XNDC1N: variants seen among roughly 807,000 people sequenced by gnomAD.
XNDC1N encodes the protein XRCC1 N-terminal domain containing 1, N-terminal like, also known as protein XNDC1N.
At chr11:71,898,841 C>T in the XNDC1N span, among the ~76,000 whole-genome samples, 1 of 152,020 alleles carries the variant, frequency 6.6e-6, no homozygotes, top group Admixed American at 6.6e-5. Context: ...AAACTGTAAA[C>T]TGAAAAAGCA....
the XNDC1N span, among the ~76,000 whole-genome samples, chr11:71,887,625 C>A: frequency 6.6e-6 from 1 of 152,286 alleles, no homozygotes; most frequent in Non-Finnish European, 1.5e-5. Context: ...CCCAGAGAAG[C>A]CCTTCAAGGT....
chr11:71,902,120 T>C, the XNDC1N span, among the ~76,000 whole-genome samples: 1 of 152,132 alleles, frequency 6.6e-6, no homozygotes, highest in Admixed American at 6.5e-5. Context: ...TATATGTTAA[T>C]GATTGAATTG....
At chr11:71,893,629 C>A in the XNDC1N span, 2 of 1,098,238 alleles carry the variant, frequency 1.8e-6, no homozygotes, top group Non-Finnish European at 2.7e-6. Flanking sequence ...CTCTGACTCC[C>A]CCCTCCACAC....
chr11:71,884,517 T>A, the XNDC1N span: 26 of 1,609,454 alleles, frequency 1.6e-5, no homozygotes, highest in South Asian at 2.2e-4. Flanking sequence ...CAGCATCTGC[T>A]GCAAACTGAA....
the XNDC1N span, chr11:71,903,650 C>T: frequency 0.011 from 3,616 of 338,320 alleles, no homozygotes; most frequent in Middle Eastern, 0.019. Flanking sequence ...TTTTTTTTTT[C>T]TTTTTTTTTT....
chr11:71,896,320 A>G, the XNDC1N span, among the ~76,000 whole-genome samples: 1 of 152,254 alleles, frequency 6.6e-6, no homozygotes, highest in Non-Finnish European at 1.5e-5. Context: ...TGGAAAGTAT[A>G]AAGATGGTTA....
At chr11:71,884,161 G>A in the XNDC1N span, among the ~76,000 whole-genome samples, 4,779 of 152,230 alleles carry the variant, frequency 0.031, 89 homozygotes, top group Non-Finnish European at 0.048. Flanking sequence ...GAAATATGTG[G>A]TAATAGTTCT....
the XNDC1N span, among the ~76,000 whole-genome samples, chr11:71,902,280 C>A: frequency 6.6e-6 from 1 of 152,202 alleles, no homozygotes; most frequent in East Asian, 1.9e-4. Flanking sequence ...TAGTCTCTGC[C>A]TCCCAGGTTC....
At chr11:71,909,194 C>A in the XNDC1N span, among the ~76,000 whole-genome samples, 8,136 of 151,694 alleles carry the variant, frequency 0.054, 240 homozygotes, top group African/African-American at 0.1. Flanking sequence ...TGAATCCATC[C>A]CAATTACTAG....
chr11:71,884,503 A>G, the XNDC1N span: 3 of 1,610,224 alleles, frequency 1.9e-6, no homozygotes, highest in East Asian at 6.7e-5. Context: ...TACTGTGCTG[A>G]CTTCAGCATC....
At chr11:71,899,371 T>C in the XNDC1N span, among the ~76,000 whole-genome samples, 1 of 151,988 alleles carries the variant, frequency 6.6e-6, no homozygotes, top group Admixed American at 6.6e-5. Flanking sequence ...TCAGTGAGTG[T>C]AGGGAAAAGA....
At chr11:71,912,369 G>A in the XNDC1N span, among the ~76,000 whole-genome samples, 1 of 152,180 alleles carries the variant, frequency 6.6e-6, no homozygotes, top group Non-Finnish European at 1.5e-5. Context: ...CGAGATCACA[G>A]AAGGGGTGTA....
At chr11:71,884,305 G>T in the XNDC1N span, 2 of 1,301,660 alleles carry the variant, frequency 1.5e-6, no homozygotes, top group Non-Finnish European at 2.0e-6. Flanking sequence ...GTTTTTCTGG[G>T]AAAGTTCTGT....
the XNDC1N span, among the ~76,000 whole-genome samples, chr11:71,922,829 T>A: frequency 6.6e-6 from 1 of 152,046 alleles, no homozygotes; most frequent in Non-Finnish European, 1.5e-5. Flanking sequence ...GGGTGGGAAG[T>A]CCCTCAGAAT....
At chr11:71,894,133 G>A in the XNDC1N span, 10 of 513,386 alleles carry the variant, frequency 1.9e-5, no homozygotes, top group Middle Eastern at 3.4e-4. Flanking sequence ...CTATAAAATC[G>A]TCCCCTCCAT....
the XNDC1N span, among the ~76,000 whole-genome samples, chr11:71,878,071 A>G: frequency 6.6e-6 from 1 of 152,230 alleles, no homozygotes. Context: ...ATGCTGTTGT[A>G]TTACGTGGTT....
the XNDC1N span, among the ~76,000 whole-genome samples, chr11:71,884,079 C>A: frequency 6.6e-6 from 1 of 152,128 alleles, no homozygotes; most frequent in African/African-American, 2.4e-5. Flanking sequence ...AATTTAACTC[C>A]AGAAATTAAA....
chr11:71,895,580 G>GC, the XNDC1N span, among the ~76,000 whole-genome samples: 1 of 146,078 alleles, frequency 6.8e-6, no homozygotes, highest in East Asian at 2.0e-4. Context: ...GCCCGCTTCC[G>GC]CCCCCCAAAC....
chr11:71,891,589 G>A, the XNDC1N span, among the ~76,000 whole-genome samples: 2 of 152,060 alleles, frequency 1.3e-5, no homozygotes, highest in South Asian at 2.1e-4. Context: ...GCGGGTATAC[G>A]TTTCCTACAC....
Sources: gnomAD v4.1 joint callset for allele counts (sites outside exome capture counted in the v4.1 genomes callset) on GRCh38, gnomAD v4.1.1 for gene constraint, MANE v1.5 for transcripts, NCBI Gene and HGNC (gene_info 2026-07-23, HGNC 2026-07-21) for gene names.